COL9A1: variants seen among roughly 807,000 people sequenced by gnomAD.
COL9A1 encodes the protein collagen type IX alpha 1 chain.
COL9A1 carries 104 observed loss-of-function variants against 142.6 expected under a neutral mutation model. The ratio of observed to expected loss-of-function variants is 0.73; its 90% CI spans 0.62 to 0.86. The LOEUF (loss-of-function observed/expected upper bound fraction) is 0.86. Among genes scored for constraint, COL9A1 ranks in the 40% least tolerant of loss-of-function variants. COL9A1 has a pLI of 0.00. For missense variants in COL9A1, 1,210 were observed against 1,176.6 expected (o/e 1.03, Z -0.42); for synonymous variants, 466 against 396.0 (o/e 1.18, Z -2.10).
At chr6:70,235,897 G>A (rs558102259) in intron 33 of COL9A1, among the ~76,000 whole-genome samples, 16 of 151,990 alleles carry the variant, frequency 1.1e-4, no homozygotes, top group African/African-American at 3.1e-4. Context: ...GGCGGATCAC[G>A]AGGTCAGGAG....
At position 70,282,592 on chromosome 6, in the gene COL9A1, C is replaced by T. The variant is rs142034122; in HGVS notation, c.801+306G>A. Among the ~76,000 whole-genome samples the T allele has an allele frequency of 8.3e-3, 1,256 of 152,058 alleles. 15 individuals carry two copies. The highest frequency in any genetic ancestry group is 0.031 in the Middle Eastern group (9 of 294). ...GTGGGGCGGGGGAGGGGGTGAGGTG[C>T]GGGAAGTAAGAAGCAATAACAGGCT... On this transcript the variant is annotated intron_variant, in intron 7 of 37. Coordinates refer to ENST00000357250, the MANE Select transcript of COL9A1 (RefSeq NM_001851.6).
At chr6:70,238,291 C>T (rs973979966) in intron 33 of COL9A1, among the ~76,000 whole-genome samples, 1 of 152,170 alleles carries the variant, frequency 6.6e-6, no homozygotes, top group African/African-American at 2.4e-5. Context: ...TGAGCTTCAT[C>T]TTTTCTCCTC....
Position 70,216,835 on chromosome 6 carries a change from T to C in COL9A1, c.*62A>G. 6.3e-7 allele frequency: 1 copy of C among 1,576,150 alleles called. No individual in the cohort carries two copies. The highest frequency in any genetic ancestry group is 1.3e-5 in the African/African-American group (1 of 74,274). ...TCTTTGCCCCAGCTTTGGATGGTGT[T>C]TCTCACCCAGGCTCCTTCACCAGGC... On this transcript the variant is annotated 3_prime_UTR_variant, in exon 38 of 38. Transcript: ENST00000357250.
intron 28 of COL9A1, among the ~76,000 whole-genome samples, chr6:70,243,585 T>C (rs1423538763): frequency 1.3e-5 from 2 of 152,132 alleles, no homozygotes; most frequent in Admixed American, 6.6e-5. Flanking sequence ...TGGAGTGCAG[T>C]GGTGCGATCT....
At chr6:70,222,544 A>G (rs1768945423) in intron 37 of COL9A1, among the ~76,000 whole-genome samples, 1 of 152,194 alleles carries the variant, frequency 6.6e-6, no homozygotes, top group Admixed American at 6.5e-5. Context: ...ATAACAAGCA[A>G]TGAGCATTAT....
At position 70,216,846 on chromosome 6, in the gene COL9A1, G is replaced by C. The variant is rs1361950697; in HGVS notation, c.*51C>G. On this transcript the variant is annotated 3_prime_UTR_variant, in exon 38 of 38. Transcript: ENST00000357250. The stretch of plus-strand genomic sequence containing the variant: ...GCTTTGGATGGTGTTTCTCACCCAG[G>C]CTCCTTCACCAGGCGTGGTTCATGC... 6.3e-7 allele frequency: 1 copy of C among 1,594,554 alleles called. No homozygotes were observed. Among genetic ancestry groups the C allele is most frequent in the Admixed American group, 1.7e-5 (1 of 59,890 alleles).
Position 70,216,667 on chromosome 6 carries a change from T to TTG in COL9A1, c.*229_*230insCA. The TTG allele has an allele frequency of 3.6e-6, 2 of 558,462 alleles. No homozygotes were observed. Among genetic ancestry groups the TTG allele is most frequent in the African/African-American group, 1.9e-5 (1 of 52,690 alleles). The allele number at this position is 558,462 out of a possible 1,614,324, so 34.6% of individuals were successfully genotyped here. On this transcript the variant is annotated 3_prime_UTR_variant, in exon 38 of 38. Coordinates refer to ENST00000357250, the MANE Select transcript of COL9A1 (RefSeq NM_001851.6). ...GTGTTTGGTTTTCTTTTTTTTTTTT[T>TTG]AACTGATGACTCTGCTGTCTTCCCT...
At chr6:70,234,458 A>G in intron 35 of COL9A1, 81 bp downstream of exon 35, 1 of 1,411,328 alleles carries the variant, frequency 7.1e-7, no homozygotes, top group Non-Finnish European at 1.0e-6. Context: ...ACTCTTGTTT[A>G]CCCTTGTGTA....
In COL9A1 at chr6:70,299,514, A is replaced by T. The variant is rs1174335773; in HGVS notation, c.299+529T>A. Among the ~76,000 whole-genome samples the T allele has an allele frequency of 4.6e-5, 7 of 152,338 alleles. No homozygotes were observed. The East Asian group carries it at 9.6e-4, about 21-fold the overall frequency. The stretch of plus-strand genomic sequence containing the variant: ...GAGCAAAAGGCTTAGTTCCAGAGAA[A>T]GAAATCAGTGAAGTGGAGGATTTGA... On this transcript the variant is annotated intron_variant, in intron 4 of 37. Coordinates refer to ENST00000357250, the MANE Select transcript of COL9A1 (RefSeq NM_001851.6).
rs146274972 is a variant in COL9A1 at position 70,268,809 on chromosome 6, T to G, written c.1282A>C (p.Met428Leu). The change falls in exon 17 of 38, where the codon ATG becomes CTG. Residue 428 changes from methionine (M) to leucine (L), a missense_variant. Coordinates refer to ENST00000357250, the MANE Select transcript of COL9A1 (RefSeq NM_001851.6). ...ACTGGAAGTTATTCTCTTACCCTCA[T>G]GCCTGGTAGGCCTGGATATCCTGAG... ...GRSGYPGLPG[M>L]RGHKGAKGEI... The G allele has an allele frequency of 1.8e-5, 29 of 1,613,242 alleles. No homozygotes were observed. In the African/African-American group the frequency reaches 3.3e-4, roughly 19 times the overall value.
chr6:70,290,499 G>C (rs563257458), intron 5 of COL9A1, among the ~76,000 whole-genome samples: 143 of 152,212 alleles, frequency 9.4e-4, no homozygotes, highest in Non-Finnish European at 1.8e-3. Context: ...TGTTTGAGTG[G>C]TAGACCATGT....
Position 70,271,696 on chromosome 6 carries a change from T to G in COL9A1, c.1102A>C (p.Thr368Pro), listed in dbSNP as rs1421369706. ...CCAAGCTCTCCAGGGAGTCCTGCTG[T>G]CCCAGGAGGACCCTGAAGTCAACAA... Reference protein sequence around the residue: ...GIPGPPGPPGTAGLPGELGRV... With the variant: ...GIPGPPGPPGPAGLPGELGRV... The change falls in exon 14 of 38, where the codon ACA becomes CCA. Residue 368 changes from threonine to proline, a missense_variant. By Grantham distance (38) the Thr-to-Pro change is conservative. Coordinates refer to ENST00000357250, the MANE Select transcript of COL9A1 (RefSeq NM_001851.6). 1 of 1,613,708 alleles carries G rather than the reference T, an allele frequency of 6.2e-7. No individual in the cohort carries two copies. The highest frequency in any genetic ancestry group is 1.1e-5 in the South Asian group (1 of 91,080).
intron 20 of COL9A1, 97 bp downstream of exon 20, chr6:70,260,560 A>AAG (rs1234706755): frequency 1.9e-6 from 2 of 1,060,634 alleles, no homozygotes; most frequent in Admixed American, 2.4e-5. Context: ...AAAAAAAAAA[A>AAG]AAAAAAGTTG....
intron 37 of COL9A1, among the ~76,000 whole-genome samples, chr6:70,220,466 G>A (rs1768812271): frequency 6.6e-6 from 1 of 151,738 alleles, no homozygotes; most frequent in South Asian, 2.1e-4. Flanking sequence ...GAAGTAGACA[G>A]AGGTACAAAA....
chr6:70,277,201 C>T (rs1205014924), intron 10 of COL9A1, among the ~76,000 whole-genome samples: 1 of 152,082 alleles, frequency 6.6e-6, no homozygotes, highest in African/African-American at 2.4e-5. Context: ...GAATAAAATA[C>T]TGTTTTTAAA....
intron 5 of COL9A1, among the ~76,000 whole-genome samples, chr6:70,285,902 T>A (rs768316667): frequency 6.6e-6 from 1 of 152,160 alleles, no homozygotes; most frequent in Non-Finnish European, 1.5e-5. Flanking sequence ...TCTTTTTTAT[T>A]TTTTTTAGAT....
At chr6:70,280,787 G>A (rs1428736989) in intron 10 of COL9A1, 25 bp downstream of exon 10, 4 of 1,606,230 alleles carry the variant, frequency 2.5e-6, no homozygotes, top group Admixed American at 1.7e-5. Flanking sequence ...CAGGCTGGGC[G>A]CCCTCCCAGC....
At chr6:70,235,467 T>C (rs941045510) in intron 33 of COL9A1, among the ~76,000 whole-genome samples, 1 of 151,890 alleles carries the variant, frequency 6.6e-6, no homozygotes, top group Admixed American at 6.6e-5. Flanking sequence ...ATTATAATAA[T>C]AATAATAATA....
chr6:70,278,318 AT>A (rs1384326892), intron 10 of COL9A1, among the ~76,000 whole-genome samples: 2 of 152,214 alleles, frequency 1.3e-5, no homozygotes, highest in African/African-American at 4.8e-5. Flanking sequence ...GAGTCTAAAA[AT>A]CAAGAAATCT....
Sources: gnomAD v4.1 joint callset for allele counts (sites outside exome capture counted in the v4.1 genomes callset) on GRCh38, gnomAD v4.1.1 for gene constraint, MANE v1.5 for transcripts, NCBI Gene and HGNC (gene_info 2026-07-23, HGNC 2026-07-21) for gene names.